RBMS2: variants seen among roughly 807,000 people sequenced by gnomAD.
The protein encoded by RBMS2 is RNA-binding motif, single-stranded-interacting protein 2.
A neutral mutation model predicts 58.4 loss-of-function variants in RBMS2; 38 were observed. The ratio of observed to expected loss-of-function variants is 0.65; its 90% CI spans 0.50 to 0.85. The LOEUF (loss-of-function observed/expected upper bound fraction) is 0.85, where lower values mean the gene tolerates loss of function less well. Ranked by LOEUF, RBMS2 falls within the 40% of genes least tolerant of loss-of-function variation. RBMS2 has a pLI of 0.00. For missense variants in RBMS2, 367 were observed against 503.7 expected (o/e 0.73, Z 2.60); for synonymous variants, 151 against 180.7 (o/e 0.84, Z 1.32).
intron 5 of RBMS2, among the ~76,000 whole-genome samples, chr12:56,575,830 G>A (rs1051270188): frequency 5.3e-5 from 8 of 151,550 alleles, no homozygotes; most frequent in Non-Finnish European, 5.9e-5. Flanking sequence ...GGAGGCGGAG[G>A]TTACGGTGAG....
chr12:56,567,235 C>CTA (rs1262984552), intron 2 of RBMS2, among the ~76,000 whole-genome samples: 5 of 151,350 alleles, frequency 3.3e-5, no homozygotes, highest in African/African-American at 1.2e-4. Context: ...AAATGTAAAA[C>CTA]TTAGCTGGGT....
rs184377142 is a variant in RBMS2 at position 56,552,042 on chromosome 12, C to T, written c.67-10375C>T. Among the ~76,000 whole-genome samples, 9 of 152,300 alleles carry T rather than the reference C, an allele frequency of 5.9e-5. No homozygotes were observed. The East Asian group carries it at 9.6e-4, about 16-fold the overall frequency. On this transcript the variant is annotated intron_variant, in intron 1 of 13. Coordinates refer to ENST00000262031, the MANE Select transcript of RBMS2 (RefSeq NM_002898.4). The stretch of plus-strand genomic sequence containing the variant: ...GGTAGAGGTTGCAGTGAGCCGAGAT[C>T]GTGCCACTGCACTCAGCCTGGGTGA...
At position 56,588,941 on chromosome 12, in the gene RBMS2, G is replaced by A. The variant is rs756580562; in HGVS notation, c.1153G>A (p.Gly385Ser). 26 of 1,614,026 alleles carry A rather than the reference G, an allele frequency of 1.6e-5. No individual in the cohort carries two copies. The highest frequency in any genetic ancestry group is 1.9e-5 in the Non-Finnish European group (23 of 1,180,036). The part of the protein sequence containing the change: ...SSSVSVEESS[G>S]QQNQVAVDAP... ...CTTGGCTATGGCACAGGAGAGCAGC[G>A]GCCAACAGAACCAAGTGGCAGTGGA... Residue 385 changes from glycine to serine, a missense_variant, in exon 13 of 14, where the codon GGC becomes AGC. Gly to Ser is a moderately conservative substitution (Grantham distance 56). This residue lies in a region of RBMS2 where 220 missense variants were observed against 261.1 expected (regional missense o/e 0.84). Coordinates refer to ENST00000262031, the MANE Select transcript of RBMS2 (RefSeq NM_002898.4).
intron 10 of RBMS2, 84 bp from the exon 11 acceptor site, chr12:56,587,470 A>G: frequency 7.2e-7 from 1 of 1,397,416 alleles, no homozygotes; most frequent in South Asian, 1.4e-5. Context: ...GTCTGTCTCC[A>G]GTGGTCCTGA....
chr12:56,550,726 C>T (rs1262537620), intron 1 of RBMS2, among the ~76,000 whole-genome samples: 1 of 151,800 alleles, frequency 6.6e-6, no homozygotes, highest in African/African-American at 2.4e-5. Context: ...TCTGTAATCC[C>T]AGCTACTTAG....
In RBMS2 at chr12:56,584,561, G is replaced by A. The variant is rs999603655; in HGVS notation, c.874-2288G>A. 1.4e-4 allele frequency among the ~76,000 whole-genome samples: 21 copies of A among 152,108 alleles called. No homozygotes were observed. In the East Asian group the frequency reaches 1.9e-3, roughly 14 times the overall value. ...AGCACTTTGGGAGGCCGAGGAGGGC[G>A]GATCACAAGGTCAGGAGATCGAGAC... On this transcript the variant is annotated intron_variant, in intron 9 of 13. Coordinates refer to ENST00000262031, the MANE Select transcript of RBMS2 (RefSeq NM_002898.4).
At chr12:56,551,168 C>T (rs1878213117) in intron 1 of RBMS2, among the ~76,000 whole-genome samples, 4 of 151,772 alleles carry the variant, frequency 2.6e-5, no homozygotes, top group Admixed American at 2.0e-4. Flanking sequence ...CTCTAACATC[C>T]ATCAATTTGC....
intron 1 of RBMS2, among the ~76,000 whole-genome samples, chr12:56,557,134 A>G (rs1475150187): frequency 2.0e-5 from 3 of 152,164 alleles, no homozygotes; most frequent in African/African-American, 7.2e-5. Context: ...TAAGAAGGGA[A>G]TCCATGGTAG....
intron 3 of RBMS2, 64 bp downstream of exon 3, chr12:56,569,097 C>A: frequency 1.4e-6 from 2 of 1,411,032 alleles, no homozygotes; most frequent in Non-Finnish European, 1.0e-6. Context: ...CTTGACACTG[C>A]CCTTTACTGC....
chr12:56,565,511 A>G (rs1418882084), intron 2 of RBMS2, among the ~76,000 whole-genome samples: 1 of 151,994 alleles, frequency 6.6e-6, no homozygotes, highest in African/African-American at 2.4e-5. Flanking sequence ...CAATTGCCTT[A>G]TCTTTTGCTG....
chr12:56,559,759 G>A lies in RBMS2; in HGVS notation c.67-2658G>A, dbSNP rs564199740. 2.1e-5 allele frequency among the ~76,000 whole-genome samples: 3 copies of A among 145,706 alleles called. No individual in the cohort carries two copies. In the Admixed American group the frequency reaches 2.1e-4, roughly 10 times the overall value. On this transcript the variant is annotated intron_variant, in intron 1 of 13. Coordinates refer to ENST00000262031, the MANE Select transcript of RBMS2 (RefSeq NM_002898.4). ...CCAGCTACTCAGGAGCCTGAGGCAG[G>A]AGAATGGTGTGAACCTGGGAGGCAG...
intron 1 of RBMS2, among the ~76,000 whole-genome samples, chr12:56,550,006 A>G (rs1877955237): frequency 6.6e-6 from 1 of 152,116 alleles, no homozygotes; most frequent in South Asian, 2.1e-4. Flanking sequence ...AGCCTGGGCA[A>G]CAAGAGCGAA....
chr12:56,547,290 G>A (rs771366773), intron 1 of RBMS2, among the ~76,000 whole-genome samples: 5 of 152,042 alleles, frequency 3.3e-5, no homozygotes, highest in Admixed American at 6.6e-5. Context: ...GGGAGGCAGA[G>A]GTTGCAGTGA....
chr12:56,567,427 A>AAGAGGAAGG lies in RBMS2; in HGVS notation c.234-1539_234-1531dup, dbSNP rs1223868363. Among the ~76,000 whole-genome samples, 9 of 151,486 alleles carry AAGAGGAAGG rather than the reference A, an allele frequency of 5.9e-5. No homozygotes were observed. In the South Asian group the frequency reaches 1.9e-3, roughly 32 times the overall value. On this transcript the variant is annotated intron_variant, in intron 2 of 13. Coordinates refer to ENST00000262031, the MANE Select transcript of RBMS2 (RefSeq NM_002898.4). ...GAGGAAGGAGAAGGAGGAGAAGAGGAAGAGGAAGGAGAGGAAGAAGAAGAA... is the reference window on the plus strand; with the variant it reads ...GAGGAAGGAGAAGGAGGAGAAGAGGAAGAGGAAGGAGAGGAAGGAGAGGAAGAAGAAGAA...
At chr12:56,565,192 A>G (rs1334474359) in intron 2 of RBMS2, among the ~76,000 whole-genome samples, 1 of 152,152 alleles carries the variant, frequency 6.6e-6, no homozygotes, top group African/African-American at 2.4e-5. Context: ...AAAAGTCTGT[A>G]TATGTTCAGT....
rs1279682214 is a variant in RBMS2, at chr12:56,591,956, A to C, written c.*2823A>C. 6.6e-6 allele frequency: 1 copy of C among 152,054 alleles called. No individual in the cohort carries two copies. Among genetic ancestry groups the C allele is most frequent in the Non-Finnish European group, 1.5e-5 (1 of 68,002 alleles). The allele number at this position is 152,054 out of a possible 1,614,324, so 9.4% of individuals were successfully genotyped here. A position where few individuals can be genotyped will look rare whatever the true frequency, so the allele number is the denominator to read the frequency against. ...TTGCAGTGGCTAATGGCACTGAGGA[A>C]TTTCTTTTTTGGTGCATTTGGTTTA... On this transcript the variant is annotated 3_prime_UTR_variant, in exon 14 of 14. Transcript: ENST00000262031.
chr12:56,538,281 C>T (rs952301049), intron 1 of RBMS2, among the ~76,000 whole-genome samples: 4 of 151,828 alleles, frequency 2.6e-5, no homozygotes, highest in African/African-American at 9.7e-5. Context: ...GATCCACCCA[C>T]CTCAGTCTCC....
chr12:56,548,989 GA>G (rs1877749996), intron 1 of RBMS2, among the ~76,000 whole-genome samples: 1 of 151,996 alleles, frequency 6.6e-6, no homozygotes, highest in African/African-American at 2.4e-5. Context: ...TTAATTTTCA[GA>G]AATGCAACTT....
At chr12:56,578,455 T>C (rs1050491535) in intron 5 of RBMS2, among the ~76,000 whole-genome samples, 1 of 152,216 alleles carries the variant, frequency 6.6e-6, no homozygotes, top group Non-Finnish European at 1.5e-5. Context: ...GTAAATTTTA[T>C]TGCATATACA....
Sources: allele counts gnomAD v4.1 joint callset (sites outside exome capture counted in the v4.1 genomes callset), GRCh38; gene constraint gnomAD v4.1.1; regional missense constraint gnomAD v4.1.1; transcripts MANE v1.5; gene names NCBI Gene and HGNC (gene_info 2026-07-23, HGNC 2026-07-21).